Variants in BEND3 observed in about 807,000 individuals in gnomAD.
The protein encoded by BEND3 is BEN domain-containing protein 3.
A neutral mutation model predicts 60.1 loss-of-function variants in BEND3; 13 were observed. The ratio of observed to expected loss-of-function variants is 0.22; its 90% CI spans 0.14 to 0.34. BEND3 has a LOEUF of 0.34. BEND3 is among the 10% of genes least tolerant of loss of function. The probability of loss-of-function intolerance (pLI) is 1.00; values close to 1 mark genes in which losing one functional copy is unlikely to be tolerated. For missense variants in BEND3, 896 were observed against 1,138.1 expected, an observed-to-expected ratio of 0.79 and a Z score of 3.06; for synonymous variants, 497 against 491.5, an observed-to-expected ratio of 1.01 and a Z score of -0.15.
chr6:107,094,661 A>C (rs1054696509), intron 3 of BEND3, among the ~76,000 whole-genome samples: 9 of 142,898 alleles, frequency 6.3e-5, no homozygotes, highest in Admixed American at 2.8e-4. Flanking sequence ...TAAATAAATA[A>C]ATAAAACGAA....
At chr6:107,110,924 G>A (rs991742904) in intron 1 of BEND3, among the ~76,000 whole-genome samples, 5 of 151,658 alleles carry the variant, frequency 3.3e-5, no homozygotes, top group Non-Finnish European at 7.4e-5. Context: ...AGCACTTTGG[G>A]AGGCCGACAC....
At chr6:107,091,032 C>T (rs1420784435) in intron 3 of BEND3, among the ~76,000 whole-genome samples, 1 of 151,630 alleles carries the variant, frequency 6.6e-6, no homozygotes, top group East Asian at 1.9e-4. Context: ...ATTGCTTGAA[C>T]CTGGAAGGCA....
At chr6:107,086,115 C>A (rs140730606) in intron 3 of BEND3, among the ~76,000 whole-genome samples, 1 of 152,124 alleles carries the variant, frequency 6.6e-6, no homozygotes, top group Admixed American at 6.6e-5. Context: ...GCTTGCCCTC[C>A]GGAGAACTAT....
intron 1 of BEND3, among the ~76,000 whole-genome samples, chr6:107,114,778 C>A (rs1395194132): frequency 6.8e-6 from 1 of 146,596 alleles, no homozygotes; most frequent in Non-Finnish European, 1.5e-5. Context: ...GCGCGAACCC[C>A]CCGCCCCCGC....
In BEND3 at chr6:107,073,201, GTATATATATATATATATATATATATATA is replaced by G. The variant is rs782669876; in HGVS notation, c.241-2279_241-2252del. 5.9e-3 allele frequency among the ~76,000 whole-genome samples: 133 copies of G among 22,638 alleles called. 5 individuals are homozygous for G. Among genetic ancestry groups the G allele is most frequent in the Admixed American group, 0.021 (42 of 1,992 alleles). 14.9% of individuals were successfully genotyped at this position (22,638 alleles called of 152,430 possible). A position where few individuals can be genotyped will look rare whatever the true frequency, so the allele number is the denominator to read the frequency against. On this transcript the variant is annotated intron_variant, in intron 3 of 3. Coordinates refer to ENST00000369042, the MANE Select transcript of BEND3 (RefSeq NM_001367314.1). Reference sequence around the variant, plus strand: ...CTTCCTTCAGGGTTTGTATGTGTATGTATATATATATATATATATATATATATATATATATATATATATATATATATAT... The same window carrying G: ...CTTCCTTCAGGGTTTGTATGTGTATGTATATATATATATATATATATATAT...
At chr6:107,079,471 AC>A (rs1232587868) in intron 3 of BEND3, among the ~76,000 whole-genome samples, 3 of 152,136 alleles carry the variant, frequency 2.0e-5, no homozygotes, top group Non-Finnish European at 4.4e-5. Flanking sequence ...CTAAAAAGGC[AC>A]CCTGTAACAT....
At chr6:107,097,156 C>CA (rs1775602223) in intron 3 of BEND3, among the ~76,000 whole-genome samples, 1 of 152,016 alleles carries the variant, frequency 6.6e-6, no homozygotes, top group African/African-American at 2.4e-5. Context: ...CACCTGAGGT[C>CA]AGGAGATTGA....
At chr6:107,080,288 G>A (rs1173860574) in intron 3 of BEND3, among the ~76,000 whole-genome samples, 9 of 143,054 alleles carry the variant, frequency 6.3e-5, no homozygotes, top group South Asian at 4.5e-4. Context: ...CCGGGAGGTC[G>A]AGGCGGCAAT....
chr6:107,105,552 TTGAA>T (rs1448635026), intron 1 of BEND3, among the ~76,000 whole-genome samples: 3 of 152,042 alleles, frequency 2.0e-5, no homozygotes, highest in African/African-American at 7.2e-5. Flanking sequence ...ATCAAGTTCT[TTGAA>T]TAGTCAGTTG....
chr6:107,094,344 C>T (rs1582661631), intron 3 of BEND3, among the ~76,000 whole-genome samples: 3 of 152,126 alleles, frequency 2.0e-5, no homozygotes, highest in South Asian at 2.1e-4. Flanking sequence ...GAACAACAGC[C>T]GGGCGTGGTG....
At chr6:107,114,336 G>A (rs1554238961) in intron 1 of BEND3, 1 of 152,088 alleles carries the variant, frequency 6.6e-6, no homozygotes, top group African/African-American at 2.4e-5. Flanking sequence ...CACACCCAAG[G>A]CGCCGGGCCC....
At chr6:107,112,107 A>C (rs1474590298) in intron 1 of BEND3, among the ~76,000 whole-genome samples, 1 of 152,180 alleles carries the variant, frequency 6.6e-6, no homozygotes, top group Non-Finnish European at 1.5e-5. Context: ...ATGCTTCTAC[A>C]TTATACAATT....
chr6:107,099,893 A>T (rs1345163582), intron 1 of BEND3, among the ~76,000 whole-genome samples: 1 of 151,950 alleles, frequency 6.6e-6, no homozygotes, highest in Admixed American at 6.6e-5. Flanking sequence ...TTTAGAGGAA[A>T]GGTCTCACTC....
Position 107,066,019 on chromosome 6 carries a change from A to G in BEND3, c.*2685T>C, listed in dbSNP as rs1046109105. ...TACAGAGAAATCAATGAAGACTACC[A>G]CCTACTGTGACTTACTAGTTCATTC... On this transcript the variant is annotated 3_prime_UTR_variant, in exon 4 of 4. Transcript: ENST00000369042. The G allele has an allele frequency of 2.0e-5, 3 of 149,750 alleles. No homozygotes were observed. Among genetic ancestry groups the G allele is most frequent in the Non-Finnish European group, 4.4e-5 (3 of 67,712 alleles). 9.3% of individuals were successfully genotyped at this position (149,750 alleles called of 1,614,324 possible). A position where few individuals can be genotyped will look rare whatever the true frequency, so the allele number is the denominator to read the frequency against.
chr6:107,081,604 A>G (rs533031915), intron 3 of BEND3, among the ~76,000 whole-genome samples: 1 of 152,300 alleles, frequency 6.6e-6, no homozygotes, highest in South Asian at 2.1e-4. Flanking sequence ...TAAAAAGTAC[A>G]GTAAATACAC....
At chr6:107,077,561 T>G (rs1180491446) in intron 3 of BEND3, among the ~76,000 whole-genome samples, 1 of 152,108 alleles carries the variant, frequency 6.6e-6, no homozygotes, top group Non-Finnish European at 1.5e-5. Flanking sequence ...TGTGCTAAGA[T>G]GGCCGAAGAA....
chr6:107,086,173 A>G (rs760815758), intron 3 of BEND3, among the ~76,000 whole-genome samples: 39 of 152,182 alleles, frequency 2.6e-4, no homozygotes, highest in Non-Finnish European at 2.9e-5. Context: ...CTAACTGACC[A>G]GAAGGGAGAT....
intron 3 of BEND3, among the ~76,000 whole-genome samples, chr6:107,077,334 C>T (rs1272412626): frequency 1.3e-5 from 2 of 152,034 alleles, no homozygotes; most frequent in African/African-American, 4.8e-5. Context: ...TGTTCACAGG[C>T]GTGACCCCAC....
chr6:107,113,433 G>C (rs1458376660), intron 1 of BEND3, among the ~76,000 whole-genome samples: 4 of 87,186 alleles, frequency 4.6e-5, no homozygotes, highest in African/African-American at 2.1e-4. Flanking sequence ...GCGAGACTCC[G>C]TCTCAAAAAA....
Sources: gnomAD v4.1 joint callset for allele counts (sites outside exome capture counted in the v4.1 genomes callset) on GRCh38, gnomAD v4.1.1 for gene constraint, MANE v1.5 for transcripts, NCBI Gene and HGNC (gene_info 2026-07-23, HGNC 2026-07-21) for gene names.